Variants in PHACTR4 observed in about 807,000 individuals in gnomAD.
The protein encoded by PHACTR4 is phosphatase and actin regulator 4.
PHACTR4 carries 51 observed loss-of-function variants against 72.7 expected under a neutral mutation model. That is an observed-to-expected ratio of 0.70 (90% CI 0.56 to 0.89). The LOEUF (loss-of-function observed/expected upper bound fraction) is 0.89. PHACTR4 is among the 40% of genes least tolerant of loss of function. The pLI is 0.00. For synonymous variants in PHACTR4, 255 were observed against 302.5 expected, an observed-to-expected ratio of 0.84 and a Z score of 1.63; for missense variants, 731 against 861.8, an observed-to-expected ratio of 0.85 and a Z score of 1.90.
intron 1 of PHACTR4, among the ~76,000 whole-genome samples, chr1:28,383,693 G>A (rs960355136): frequency 6.6e-6 from 1 of 152,066 alleles, no homozygotes; most frequent in Admixed American, 6.6e-5. Context: ...GATTTTTCAC[G>A]TTGATTTTGT....
At chr1:28,376,872 C>T (rs929600204) in intron 1 of PHACTR4, among the ~76,000 whole-genome samples, 2 of 149,454 alleles carry the variant, frequency 1.3e-5, no homozygotes, top group African/African-American at 4.9e-5. Context: ...CTCCTGACCT[C>T]GTGATCCACC....
intron 8 of PHACTR4, among the ~76,000 whole-genome samples, chr1:28,479,419 CAAA>C (rs1019186726): frequency 8.1e-5 from 5 of 61,572 alleles, no homozygotes; most frequent in Non-Finnish European, 3.8e-5. Flanking sequence ...GACTCTGTCG[CAAA>C]AAAAAAAAAA....
chr1:28,445,049 G>A (rs903678023), intron 2 of PHACTR4, among the ~76,000 whole-genome samples: 8 of 151,728 alleles, frequency 5.3e-5, no homozygotes, highest in African/African-American at 1.7e-4. Context: ...TCCACCTCTC[G>A]GGTTCAAGCA....
chr1:28,453,150 A>G (rs1391511621), intron 2 of PHACTR4, among the ~76,000 whole-genome samples: 3 of 152,180 alleles, frequency 2.0e-5, no homozygotes, highest in African/African-American at 7.2e-5. Context: ...ATAAAAATGA[A>G]TTAAATTAAC....
At chr1:28,489,334 G>T (rs1660896484) in intron 10 of PHACTR4, 109 bp downstream of exon 10, 1 of 861,038 alleles carries the variant, frequency 1.2e-6, no homozygotes, top group Admixed American at 2.8e-5. Context: ...AAGGGAGAGT[G>T]TTCCAGCCAG....
At chr1:28,376,617 C>A (rs1216190005) in intron 1 of PHACTR4, among the ~76,000 whole-genome samples, 1 of 148,134 alleles carries the variant, frequency 6.8e-6, no homozygotes, top group African/African-American at 2.5e-5. Context: ...GCGTGAGCCA[C>A]TGCGCTGGGC....
chr1:28,403,168 G>A (rs972332508), intron 1 of PHACTR4, among the ~76,000 whole-genome samples: 1 of 152,172 alleles, frequency 6.6e-6, no homozygotes, highest in Non-Finnish European at 1.5e-5. Context: ...TGCTTATTAG[G>A]AAGTGCCCTT....
At chr1:28,468,838 C>T (rs1570050392) in intron 6 of PHACTR4, among the ~76,000 whole-genome samples, 1 of 152,166 alleles carries the variant, frequency 6.6e-6, no homozygotes, top group Non-Finnish European at 1.5e-5. Context: ...TGATGCTGCT[C>T]TCCAGGGAGC....
At chr1:28,476,428 C>G in intron 8 of PHACTR4, 137 bp downstream of exon 8, 1 of 861,364 alleles carries the variant, frequency 1.2e-6, no homozygotes, top group East Asian at 3.0e-5. Flanking sequence ...ATGTTGGAAG[C>G]CACTGTGAAG....
chr1:28,440,356 A>G (rs551299358), intron 2 of PHACTR4, among the ~76,000 whole-genome samples: 28 of 131,798 alleles, frequency 2.1e-4, no homozygotes, highest in African/African-American at 8.1e-4. Flanking sequence ...TGGTATTTGT[A>G]TGCTTCTGAA....
intron 1 of PHACTR4, among the ~76,000 whole-genome samples, chr1:28,383,360 A>G (rs769828655): frequency 3.9e-5 from 6 of 152,084 alleles, no homozygotes; most frequent in Admixed American, 1.3e-4. Flanking sequence ...GAATTTTAAA[A>G]TAATTTTTTT....
At chr1:28,450,371 C>T (rs1187514792) in intron 2 of PHACTR4, among the ~76,000 whole-genome samples, 1 of 149,934 alleles carries the variant, frequency 6.7e-6, no homozygotes, top group African/African-American at 2.5e-5. Flanking sequence ...ACAGAAACAA[C>T]AGTCTATCCA....
chr1:28,402,860 G>A lies in PHACTR4; in HGVS notation c.-38-4550G>A, dbSNP rs188102495. Among the ~76,000 whole-genome samples, 198 of 152,240 alleles carry A rather than the reference G, an allele frequency of 1.3e-3. 2 individuals are homozygous for A. Among genetic ancestry groups the A allele is most frequent in the African/African-American group, 4.3e-3 (180 of 41,538 alleles). On this transcript the variant is annotated intron_variant, in intron 1 of 13. Coordinates refer to ENST00000373839, the MANE Select transcript of PHACTR4 (RefSeq NM_001048183.3). ...ATGGAAACTTTCCATCACAAACCAG[G>A]ATCATCCCCTAGGATTGATATTATA...
rs115617963 is a variant in PHACTR4, at chr1:28,464,677, T to C, written c.272-1008T>C. Reference sequence around the variant, plus strand: ...TGACATTTAACATTGTAGTTACTTATATATAAGTTTGCCCTATTCGTTTGT... The same window carrying C: ...TGACATTTAACATTGTAGTTACTTACATATAAGTTTGCCCTATTCGTTTGT... On this transcript the variant is annotated intron_variant, in intron 4 of 13. Transcript: ENST00000373839. Among the ~76,000 whole-genome samples, 595 of 152,298 alleles carry C rather than the reference T, an allele frequency of 3.9e-3. 3 individuals are homozygous for C. Among genetic ancestry groups the C allele is most frequent in the African/African-American group, 0.013 (546 of 41,568 alleles).
chr1:28,496,100 A>G (rs1433352265), intron 13 of PHACTR4, among the ~76,000 whole-genome samples: 1 of 127,406 alleles, frequency 7.8e-6, no homozygotes, highest in Non-Finnish European at 1.5e-5. Flanking sequence ...TGTGTCACCC[A>G]GGCTGGAGTG....
intron 6 of PHACTR4, among the ~76,000 whole-genome samples, chr1:28,471,638 A>G (rs1191562980): frequency 6.6e-6 from 1 of 152,050 alleles, no homozygotes; most frequent in African/African-American, 2.4e-5. Flanking sequence ...GAGCCCTCCA[A>G]AGGGACTTTG....
chr1:28,395,608 T>C (rs1653431691), intron 1 of PHACTR4, among the ~76,000 whole-genome samples: 1 of 151,024 alleles, frequency 6.6e-6, no homozygotes, highest in African/African-American at 2.4e-5. Context: ...TGAATATTTG[T>C]GCTTAAAAAC....
At chr1:28,412,175 G>C (rs1330581130) in intron 2 of PHACTR4, among the ~76,000 whole-genome samples, 1 of 152,190 alleles carries the variant, frequency 6.6e-6, no homozygotes, top group Non-Finnish European at 1.5e-5. Flanking sequence ...AATTTCACTT[G>C]AAAGCTTGAA....
chr1:28,459,614 C>T (rs781703557), intron 3 of PHACTR4, among the ~76,000 whole-genome samples: 1 of 151,820 alleles, frequency 6.6e-6, no homozygotes, highest in Non-Finnish European at 1.5e-5. Context: ...GTTTCCCAGG[C>T]TGGTCTTGAA....
Sources: gnomAD v4.1 joint callset for allele counts (sites outside exome capture counted in the v4.1 genomes callset) on GRCh38, gnomAD v4.1.1 for gene constraint, MANE v1.5 for transcripts, NCBI Gene and HGNC (gene_info 2026-07-23, HGNC 2026-07-21) for gene names.